NRG3: variants seen among roughly 807,000 people sequenced by gnomAD.
NRG3 encodes the protein neuregulin 3.
In NRG3, 31 loss-of-function variants were observed where a neutral mutation model predicts 66.9. That is an observed-to-expected ratio of 0.46 (90% CI 0.35 to 0.63). NRG3 has a LOEUF of 0.63. Among genes scored for constraint, NRG3 ranks in the 20% least tolerant of loss-of-function variants. NRG3 has a pLI of 0.00. For synonymous variants in NRG3, 393 were observed against 359.4 expected (o/e 1.09, Z -1.06); for missense variants, 910 against 878.9 (o/e 1.04, Z -0.45).
At position 82,044,357 on chromosome 10, in the gene NRG3, C is replaced by T. The variant is rs1411462095; in HGVS notation, c.823+168194C>T. ...CAGGATACCCTTCCATCATAGGGCA[C>T]ACTCACCCACATACCCACACTCACT... On this transcript the variant is annotated intron_variant, in intron 1 of 8. Transcript: ENST00000372141. Among the ~76,000 whole-genome samples the T allele has an allele frequency of 6.6e-5, 10 of 151,916 alleles. 1 individual carries two copies. The highest frequency in any genetic ancestry group is 1.5e-5 in the Non-Finnish European group (1 of 67,976).
intron 2 of NRG3, among the ~76,000 whole-genome samples, chr10:82,686,239 G>C (rs1016844575): frequency 6.3e-4 from 96 of 151,328 alleles, no homozygotes; most frequent in Non-Finnish European, 1.8e-4. Flanking sequence ...CCTGGCTGGA[G>C]TGCAATGGCA....
rs118142050 is a variant in NRG3 at position 82,179,296 on chromosome 10, G to A, written c.824-179443G>A. On this transcript the variant is annotated intron_variant, in intron 1 of 8. Coordinates refer to ENST00000372141, the MANE Select transcript of NRG3 (RefSeq NM_001010848.4). ...TTTTTCTTTTGTTGTCTATTCTTTCGCTGTCATATCAAAAAATGCATTTCC... is the reference window on the plus strand; with the variant it reads ...TTTTTCTTTTGTTGTCTATTCTTTCACTGTCATATCAAAAAATGCATTTCC... Among the ~76,000 whole-genome samples, 24 of 151,518 alleles carry A rather than the reference G, an allele frequency of 1.6e-4. No homozygotes were observed. The East Asian group carries it at 4.1e-3, about 26-fold the overall frequency.
chr10:82,516,757 T>G (rs1845698889), intron 2 of NRG3, among the ~76,000 whole-genome samples: 1 of 152,150 alleles, frequency 6.6e-6, no homozygotes, highest in African/African-American at 2.4e-5. Context: ...TCATTATGTA[T>G]TTTTAGGATT....
intron 1 of NRG3, among the ~76,000 whole-genome samples, chr10:82,270,831 C>T (rs1373568081): frequency 1.3e-5 from 2 of 152,110 alleles, no homozygotes; most frequent in Non-Finnish European, 2.9e-5. Flanking sequence ...AGTATTGTCT[C>T]TTACGCCATG....
intron 3 of NRG3, among the ~76,000 whole-genome samples, chr10:82,827,623 TGATGTTTTTAAA>T (rs2135636327): frequency 6.6e-6 from 1 of 152,332 alleles, no homozygotes; most frequent in Admixed American, 6.5e-5. Flanking sequence ...CTGCTGTTTT[TGATGTTTTTAAA>T]GATTAAAAAC....
chr10:82,883,189 A>G (rs2136073330), intron 4 of NRG3, among the ~76,000 whole-genome samples: 1 of 152,308 alleles, frequency 6.6e-6, no homozygotes, highest in East Asian at 1.9e-4. Flanking sequence ...TTATATTGTC[A>G]TAAAAAGTCA....
At chr10:82,046,084 G>C (rs1278518295) in intron 1 of NRG3, among the ~76,000 whole-genome samples, 2 of 142,434 alleles carry the variant, frequency 1.4e-5, no homozygotes, top group East Asian at 4.3e-4. Context: ...CTTTAAAGTA[G>C]TTTTTTCCAA....
chr10:82,132,720 C>T (rs11528198), intron 1 of NRG3, among the ~76,000 whole-genome samples: 3,282 of 150,580 alleles, frequency 0.022, 136 homozygotes, highest in East Asian at 0.14. Context: ...TTCTTTGCTG[C>T]GATACTTTTT....
At chr10:82,784,085 C>G (rs2060237388) in intron 3 of NRG3, among the ~76,000 whole-genome samples, 1 of 151,960 alleles carries the variant, frequency 6.6e-6, no homozygotes, top group Admixed American at 6.5e-5. Flanking sequence ...TTTGACAAAC[C>G]TGAGAAAAAC....
chr10:82,383,253 T>A (rs2085741861), intron 2 of NRG3, among the ~76,000 whole-genome samples: 1 of 152,002 alleles, frequency 6.6e-6, no homozygotes, highest in Admixed American at 6.6e-5. Context: ...TGTACATTTA[T>A]GTAATTTTTT....
At chr10:82,327,272 A>G (rs77707177) in intron 1 of NRG3, among the ~76,000 whole-genome samples, 2,356 of 152,252 alleles carry the variant, frequency 0.015, 55 homozygotes, top group African/African-American at 0.052. Context: ...GGAGAAAACT[A>G]CAAGGACCAG....
chr10:82,708,623 T>G (rs546970079), intron 2 of NRG3, among the ~76,000 whole-genome samples: 1 of 152,330 alleles, frequency 6.6e-6, no homozygotes, highest in Admixed American at 6.5e-5. Flanking sequence ...TAATTTATAT[T>G]ACAATTACTT....
At chr10:81,974,038 T>C (rs1303111700) in intron 1 of NRG3, among the ~76,000 whole-genome samples, 1 of 152,200 alleles carries the variant, frequency 6.6e-6, no homozygotes, top group Non-Finnish European at 1.5e-5. Flanking sequence ...TGTATAGTTT[T>C]GGGTTTTACA....
intron 1 of NRG3, among the ~76,000 whole-genome samples, chr10:82,322,330 T>C (rs527719572): frequency 6.6e-6 from 1 of 152,288 alleles, no homozygotes; most frequent in East Asian, 1.9e-4. Flanking sequence ...AAGTGTGATA[T>C]TGATCTGGAT....
chr10:81,895,075 T>C (rs1389171927), intron 1 of NRG3, among the ~76,000 whole-genome samples: 1 of 152,044 alleles, frequency 6.6e-6, no homozygotes, highest in Non-Finnish European at 1.5e-5. Context: ...CTCACAGTCT[T>C]CTCCATGACC....
intron 2 of NRG3, among the ~76,000 whole-genome samples, chr10:82,454,861 T>C (rs940120870): frequency 6.6e-6 from 1 of 152,224 alleles, no homozygotes; most frequent in East Asian, 1.9e-4. Context: ...CATATTAAAC[T>C]AAATTGAGAG....
chr10:82,912,908 C>A (rs946800032), intron 4 of NRG3, among the ~76,000 whole-genome samples: 1 of 152,176 alleles, frequency 6.6e-6, no homozygotes, highest in Non-Finnish European at 1.5e-5. Context: ...TAATACTGCT[C>A]TTGACTAGTA....
chr10:81,875,696 G>T lies in NRG3; in HGVS notation c.356G>T (p.Ser119Ile). ...GACCCCTTCTTCCTCTCCAAGCCCAGCTCTTTCCCCAAGGCCATGGAGACC... is the reference window on the plus strand; with the variant it reads ...GACCCCTTCTTCCTCTCCAAGCCCATCTCTTTCCCCAAGGCCATGGAGACC... Reference protein sequence around the residue: ...GQDPFFLSKPSSFPKAMETTT... With the variant: ...GQDPFFLSKPISFPKAMETTT... Residue 119 changes from serine (S) to isoleucine (I), a missense_variant, in exon 1 of 9, where the codon AGC becomes ATC. By Grantham distance (142) the Ser-to-Ile change is moderately radical (BLOSUM62 -2). Transcript: ENST00000372141. The surrounding 1 kb of genome is among the most constrained non-coding windows in gnomAD (Gnocchi z 5.3). 1.2e-6 allele frequency: 2 copies of T among 1,613,710 alleles called. No individual in the cohort carries two copies. The highest frequency in any genetic ancestry group is 1.7e-6 in the Non-Finnish European group (2 of 1,179,946).
Position 82,608,384 on chromosome 10 carries a change from G to A in NRG3, c.954-130193G>A, listed in dbSNP as rs894773888. ...TGTGGTTTGAACTTGATATGCTCCC[G>A]TGTAGACGTCTGTGTCTTTCTTTAT... On this transcript the variant is annotated intron_variant, in intron 2 of 8. Transcript: ENST00000372141. Among the ~76,000 whole-genome samples the A allele has an allele frequency of 7.2e-5, 11 of 152,060 alleles. 1 individual carries two copies. The highest frequency in any genetic ancestry group is 4.1e-4 in the South Asian group (2 of 4,824).
Sources: gnomAD v4.1 joint callset for allele counts (sites outside exome capture counted in the v4.1 genomes callset) on GRCh38, gnomAD v4.1.1 for gene constraint, Gnocchi (gnomAD v3.1) non-coding constraint, MANE v1.5 for transcripts, NCBI Gene and HGNC (gene_info 2026-07-23, HGNC 2026-07-21) for gene names.